The following IFT88 variants were observed in gnomAD, a reference collection of about 807,000 sequenced individuals.
The protein encoded by IFT88 is intraflagellar transport protein 88 homolog.
IFT88 carries 74 observed loss-of-function variants against 119.5 expected under a neutral mutation model. That is an observed-to-expected ratio of 0.62 (90% CI 0.51 to 0.75). IFT88 has a LOEUF of 0.75. IFT88 is among the 30% of genes least tolerant of loss of function. The pLI is 0.00. For missense variants in IFT88, 961 were observed against 977.7 expected, an observed-to-expected ratio of 0.98 and a Z score of 0.23; for synonymous variants, 279 against 316.7, an observed-to-expected ratio of 0.88 and a Z score of 1.26.
At chr13:20,585,201 G>T (rs1271138148) in intron 3 of IFT88, among the ~76,000 whole-genome samples, 4 of 152,148 alleles carry the variant, frequency 2.6e-5, no homozygotes, top group Non-Finnish European at 5.9e-5. Flanking sequence ...GACACAGTCA[G>T]TCCTCCACAA....
At chr13:20,683,479 A>G (rs1211669076) in intron 24 of IFT88, among the ~76,000 whole-genome samples, 1 of 152,212 alleles carries the variant, frequency 6.6e-6, no homozygotes, top group African/African-American at 2.4e-5. Context: ...ATTTATAGGT[A>G]CAGAAGTTAT....
chr13:20,608,066 A>C (rs1305835790), intron 13 of IFT88: 2 of 525,634 alleles, frequency 3.8e-6, no homozygotes, highest in African/African-American at 2.0e-5. Flanking sequence ...CACGGGGACT[A>C]TCATGGCTGC....
intron 16 of IFT88, among the ~76,000 whole-genome samples, chr13:20,634,417 C>T (rs2048693288): frequency 2.0e-5 from 3 of 152,174 alleles, no homozygotes; most frequent in African/African-American, 7.2e-5. Context: ...AGAAATGGGG[C>T]TTTCTAGCTG....
intron 2 of IFT88, among the ~76,000 whole-genome samples, chr13:20,579,323 T>C (rs981043013): frequency 6.6e-6 from 1 of 152,124 alleles, no homozygotes; most frequent in Non-Finnish European, 1.5e-5. Context: ...TGCTTGGTGC[T>C]CTATTCTTCT....
chr13:20,652,869 CATG>C (rs1448782215), intron 20 of IFT88, among the ~76,000 whole-genome samples: 3 of 152,120 alleles, frequency 2.0e-5, no homozygotes, highest in East Asian at 1.9e-4. Flanking sequence ...TCTAAGCAGA[CATG>C]GTGGTGTATA....
intron 14 of IFT88, among the ~76,000 whole-genome samples, chr13:20,617,485 G>A (rs1408536550): frequency 2.0e-5 from 3 of 152,142 alleles, no homozygotes; most frequent in African/African-American, 7.2e-5. Flanking sequence ...GTTTAATCAG[G>A]AGTTTCTTGG....
chr13:20,580,840 C>G (rs1202441463), intron 2 of IFT88, among the ~76,000 whole-genome samples: 2 of 151,698 alleles, frequency 1.3e-5, no homozygotes, highest in Non-Finnish European at 2.9e-5. Flanking sequence ...ATTCTCCTGC[C>G]TCAGCCTCCT....
intron 21 of IFT88, among the ~76,000 whole-genome samples, chr13:20,654,832 G>A (rs1031227960): frequency 3.9e-5 from 6 of 151,944 alleles, no homozygotes; most frequent in Non-Finnish European, 7.4e-5. Context: ...TCATTTCAAC[G>A]TCAGTCATAT....
chr13:20,604,653 T>C (rs1445610710), intron 12 of IFT88, among the ~76,000 whole-genome samples: 1 of 152,198 alleles, frequency 6.6e-6, no homozygotes. Context: ...TAGGGAGGCT[T>C]ATTGGAAATT....
intron 15 of IFT88, among the ~76,000 whole-genome samples, chr13:20,627,171 T>TG (rs2047476198): frequency 1.3e-5 from 2 of 152,362 alleles, no homozygotes; most frequent in African/African-American, 4.8e-5. Context: ...ACAAAACATT[T>TG]GAAAAAGACT....
At chr13:20,655,861 A>G (rs187850307) in intron 21 of IFT88, among the ~76,000 whole-genome samples, 3 of 152,308 alleles carry the variant, frequency 2.0e-5, no homozygotes, top group Admixed American at 6.5e-5. Flanking sequence ...TACTGTAAGT[A>G]TATAACTTAG....
At chr13:20,590,927 T>G in intron 4 of IFT88, 40 bp from the exon 5 acceptor site, 1 of 1,433,564 alleles carries the variant, frequency 7.0e-7, no homozygotes, top group Non-Finnish European at 9.7e-7. Flanking sequence ...AAGGCAGATA[T>G]TTTTAGGAAT....
Position 20,610,505 on chromosome 13 carries a change from C to A in IFT88, c.1113-5288C>A, listed in dbSNP as rs560027214. On this transcript the variant is annotated intron_variant, in intron 13 of 25. Coordinates refer to ENST00000351808, the MANE Select transcript of IFT88 (RefSeq NM_006531.5). Reference sequence around the variant, plus strand: ...GGAGTTGTCTATACGATTATAGTACCTGATTCTTTGGACATATCATTGAAC... The same window carrying A: ...GGAGTTGTCTATACGATTATAGTACATGATTCTTTGGACATATCATTGAAC... 2.2e-4 allele frequency among the ~76,000 whole-genome samples: 34 copies of A among 151,840 alleles called. 1 individual carries two copies. The South Asian group carries it at 5.4e-3, about 24-fold the overall frequency.
chr13:20,626,093 C>T (rs1468489117), intron 15 of IFT88, among the ~76,000 whole-genome samples: 1 of 90,814 alleles, frequency 1.1e-5, no homozygotes, highest in Non-Finnish European at 1.9e-5. Flanking sequence ...TGGAGTCTCG[C>T]TCTGTTGCCT....
intron 2 of IFT88, among the ~76,000 whole-genome samples, chr13:20,581,664 G>C (rs1374337246): frequency 6.7e-6 from 1 of 149,558 alleles, no homozygotes; most frequent in African/African-American, 2.4e-5. Flanking sequence ...GACCAGCCTG[G>C]GTAACACGGC....
At chr13:20,643,918 T>C (rs996310064) in intron 19 of IFT88, among the ~76,000 whole-genome samples, 15 of 152,142 alleles carry the variant, frequency 9.9e-5, no homozygotes, top group African/African-American at 3.6e-4. Flanking sequence ...CACGTGCAGC[T>C]AATTTTTGTA....
intron 7 of IFT88, 72 bp downstream of exon 7, chr13:20,592,476 A>ATTTT: frequency 9.6e-7 from 1 of 1,045,208 alleles, no homozygotes; most frequent in Admixed American, 2.6e-5. Flanking sequence ...CAAATACACA[A>ATTTT]TTTTTTTTTT....
chr13:20,619,056 C>T (rs915385874), intron 14 of IFT88, among the ~76,000 whole-genome samples: 53 of 152,026 alleles, frequency 3.5e-4, no homozygotes, highest in Admixed American at 1.3e-4. Flanking sequence ...TGGGGTTTCA[C>T]CGTGTTAGCC....
chr13:20,575,705 G>A (rs2037253790), intron 2 of IFT88, among the ~76,000 whole-genome samples: 4 of 152,154 alleles, frequency 2.6e-5, no homozygotes, highest in African/African-American at 2.4e-5. Flanking sequence ...CCTGCAGAAC[G>A]ATGAGCCAAT....
Sources: allele counts gnomAD v4.1 joint callset (sites outside exome capture counted in the v4.1 genomes callset), GRCh38; gene constraint gnomAD v4.1.1; transcripts MANE v1.5; gene names NCBI Gene and HGNC (gene_info 2026-07-23, HGNC 2026-07-21).